The following FLRT3 variants were observed in gnomAD, a reference collection of about 807,000 sequenced individuals.
FLRT3 encodes the protein fibronectin leucine rich transmembrane protein 3.
FLRT3 carries 17 observed loss-of-function variants against 42.6 expected under a neutral mutation model. The ratio of observed to expected loss-of-function variants is 0.40; its 90% CI spans 0.27 to 0.60. The LOEUF is 0.60. Ranked by LOEUF, FLRT3 falls within the 20% of genes least tolerant of loss-of-function variation. The pLI is 0.44. For missense variants in FLRT3, 635 were observed against 789.2 expected, an observed-to-expected ratio of 0.80 and a Z score of 2.34; for synonymous variants, 279 against 286.4, an observed-to-expected ratio of 0.97 and a Z score of 0.26.
chr20:14,327,346 G>A lies in FLRT3; in HGVS notation c.161C>T (p.Thr54Ile). 1.2e-6 allele frequency: 2 copies of A among 1,613,732 alleles called. No individual in the cohort carries two copies. The highest frequency in any genetic ancestry group is 1.7e-6 in the Non-Finnish European group (2 of 1,179,734). ...AGTTGTAGCATCCTCTGGTATTCCT[G>A]TTGGAATGGATGTCAGAAAGCGATC... ...CNDRFLTSIPTGIPEDATTLY... is the reference protein window; with the variant it reads ...CNDRFLTSIPIGIPEDATTLY... The change falls in exon 3 of 3, where the codon ACA (threonine) becomes ATA (isoleucine). Residue 54 changes from threonine to isoleucine, a missense_variant. Coordinates refer to ENST00000341420, the MANE Select transcript of FLRT3 (RefSeq NM_198391.3).
intron 2 of FLRT3, among the ~76,000 whole-genome samples, 170 bp from the exon 3 acceptor site, chr20:14,327,728 A>G (rs892984417): frequency 6.6e-6 from 1 of 152,170 alleles, no homozygotes; most frequent in Non-Finnish European, 1.5e-5. Context: ...AGACACTGTC[A>G]TATAATCTCT....
At chr20:14,327,708 A>G in intron 2 of FLRT3, 150 bp from the exon 3 acceptor site, 1 of 553,174 alleles carries the variant, frequency 1.8e-6, no homozygotes, top group Non-Finnish European at 3.1e-6. Context: ...GTTTATTGCT[A>G]GCTAACAATA....
chr20:14,336,651 G>C (rs890075519), intron 1 of FLRT3, among the ~76,000 whole-genome samples: 3 of 152,192 alleles, frequency 2.0e-5, no homozygotes, highest in African/African-American at 7.2e-5. Flanking sequence ...ATCAGGCATA[G>C]CTTCCAGGGT....
Position 14,326,942 on chromosome 20 carries a change from T to C in FLRT3, c.565A>G (p.Thr189Ala). 1.2e-6 allele frequency: 2 copies of C among 1,613,760 alleles called. No individual in the cohort carries two copies. The highest frequency in any genetic ancestry group is 1.7e-6 in the Non-Finnish European group (2 of 1,179,796). The change falls in exon 3 of 3, where the codon ACT becomes GCT. Residue 189 changes from threonine to alanine, a missense_variant. Transcript: ENST00000341420. This position sits in a 1 kb window ranked among gnomAD's most constrained non-coding sequence, Gnocchi z 5.5. ...ELRLDDNRIS[T>A]ISSPSLQGLT... ...CCTTGAAGAGATGGTGATGAAATAG[T>C]GGATATGCGATTATCATCCAAGCGT... is the stretch of plus-strand genomic sequence containing the variant.
At chr20:14,331,722 G>A (rs1039517157) in intron 1 of FLRT3, among the ~76,000 whole-genome samples, 6 of 151,936 alleles carry the variant, frequency 3.9e-5, no homozygotes, top group Admixed American at 1.3e-4. Context: ...TTTGGTTTTG[G>A]CATATTAAAG....
Position 14,323,444 on chromosome 20 carries a change from C to T in FLRT3, c.*2113G>A, listed in dbSNP as rs1451674180. The T allele has an allele frequency of 1.3e-5, 2 of 152,182 alleles. No homozygotes were observed. The highest frequency in any genetic ancestry group is 2.9e-5 in the Non-Finnish European group (2 of 68,044). 9.4% of individuals were successfully genotyped at this position (152,182 alleles called of 1,614,324 possible). On this transcript the variant is annotated 3_prime_UTR_variant, in exon 3 of 3. Coordinates refer to ENST00000341420, the MANE Select transcript of FLRT3 (RefSeq NM_198391.3). ...CAGGAACCACCACATGTTCAGCAAT[C>T]TGGAAGCTCTCCAAATCTTGACCTT...
intron 1 of FLRT3, among the ~76,000 whole-genome samples, chr20:14,337,067 A>G (rs1388557920): frequency 1.3e-5 from 2 of 152,192 alleles, no homozygotes; most frequent in South Asian, 2.1e-4. Flanking sequence ...TTGCTTTCCT[A>G]TCTGTGAAGA....
chr20:14,335,111 C>T (rs1451443052), intron 1 of FLRT3, among the ~76,000 whole-genome samples: 2 of 152,048 alleles, frequency 1.3e-5, no homozygotes, highest in Admixed American at 1.3e-4. Flanking sequence ...TAAAACTGTT[C>T]AAAATAATCC....
intron 1 of FLRT3, among the ~76,000 whole-genome samples, chr20:14,334,459 A>G (rs2082900561): frequency 6.6e-6 from 1 of 152,158 alleles, no homozygotes; most frequent in Non-Finnish European, 1.5e-5. Flanking sequence ...CTGAAGAGAA[A>G]ATGCAGTTTT....
chr20:14,335,275 A>G (rs1454752945), intron 1 of FLRT3, among the ~76,000 whole-genome samples: 1 of 152,184 alleles, frequency 6.6e-6, no homozygotes, highest in Non-Finnish European at 1.5e-5. Flanking sequence ...GGAGATGCTG[A>G]GCATAATTGG....
Position 14,327,402 on chromosome 20 carries a change from A to G in FLRT3, c.105T>C (p.Cys35=). The G allele has an allele frequency of 6.2e-7, 1 of 1,613,702 alleles. No homozygotes were observed. Among genetic ancestry groups the G allele is most frequent in the Non-Finnish European group, 8.5e-7 (1 of 1,179,704 alleles). ...SVMAKSCPSV[C]RCDAGFIYCN... ...AGTAAATGAAACCCGCATCGCAGCG[A>G]CACACAGATGGACAGGATTTAGCCA... The change falls in exon 3 of 3, where the codon TGT becomes TGC. Residue 35 remains cysteine (C), a synonymous_variant. Coordinates refer to ENST00000341420, the MANE Select transcript of FLRT3 (RefSeq NM_198391.3).
At chr20:14,336,403 G>A (rs1355939748) in intron 1 of FLRT3, among the ~76,000 whole-genome samples, 3 of 151,934 alleles carry the variant, frequency 2.0e-5, no homozygotes, top group African/African-American at 7.3e-5. Flanking sequence ...AGACATGGAT[G>A]GGCCTGTTGC....
In FLRT3 at chr20:14,326,898, G is replaced by A. The variant is rs748120761; in HGVS notation, c.609C>T (p.Arg203=). 6.8e-6 allele frequency: 11 copies of A among 1,613,634 alleles called. No individual in the cohort carries two copies. The highest frequency in any genetic ancestry group is 9.3e-6 in the Non-Finnish European group (11 of 1,179,808). Residue 203 remains arginine (R), a synonymous_variant, in exon 3 of 3, where the codon CGC becomes CGT. Coordinates refer to ENST00000341420, the MANE Select transcript of FLRT3 (RefSeq NM_198391.3). This position sits in a 1 kb window ranked among gnomAD's most constrained non-coding sequence, Gnocchi z 5.5. The part of the protein sequence containing the change: ...PSLQGLTSLK[R]LVLDGNLLNN... ...TCAACAGGTTTCCATCTAGAACCAG[G>A]CGTTTTAGACTAGTGAGACCTTGAA...
chr20:14,330,933 A>G (rs1330882990), intron 1 of FLRT3, among the ~76,000 whole-genome samples: 2 of 152,140 alleles, frequency 1.3e-5, no homozygotes, highest in Non-Finnish European at 2.9e-5. Flanking sequence ...AAATTATTCA[A>G]CATATAAAAT....
rs2082746121 is a variant in FLRT3, at chr20:14,326,961, C to T, written c.546G>A (p.Leu182=). 1 of 1,613,604 alleles carries T rather than the reference C, an allele frequency of 6.2e-7. No individual in the cohort carries two copies. The highest frequency in any genetic ancestry group is 1.7e-5 in the Admixed American group (1 of 59,926). ...GLPRTIEELR[L]DDNRISTISS... ...AAATAGTGGATATGCGATTATCATC[C>T]AAGCGTAGTTCTTCTATAGTCCTGG... is the stretch of plus-strand genomic sequence containing the variant. The change falls in exon 3 of 3, where the codon TTG becomes TTA. Residue 182 remains leucine, a synonymous_variant. Transcript: ENST00000341420. The surrounding 1 kb of genome is among the most constrained non-coding windows in gnomAD (Gnocchi z 5.5).
chr20:14,332,158 A>T (rs975101803), intron 1 of FLRT3, among the ~76,000 whole-genome samples: 1 of 152,128 alleles, frequency 6.6e-6, no homozygotes. Context: ...TTTAATAGGG[A>T]TCCTTATATT....
At chr20:14,330,877 A>T (rs527733828) in intron 1 of FLRT3, among the ~76,000 whole-genome samples, 305 of 152,258 alleles carry the variant, frequency 2.0e-3, no homozygotes, top group African/African-American at 6.7e-3. Context: ...TTATAATTAC[A>T]AAGTTACTTT....
At chr20:14,330,851 A>T (rs774146286) in intron 1 of FLRT3, among the ~76,000 whole-genome samples, 32 of 152,088 alleles carry the variant, frequency 2.1e-4, no homozygotes, top group Non-Finnish European at 4.3e-4. Flanking sequence ...GAAAATGGAA[A>T]ACCAAGCTGC....
In FLRT3 at chr20:14,325,855, T is replaced by C; in HGVS notation, c.1652A>G (p.Tyr551Cys). 1 of 1,613,904 alleles carries C rather than the reference T, an allele frequency of 6.2e-7. No individual in the cohort carries two copies. The highest frequency in any genetic ancestry group is 8.5e-7 in the Non-Finnish European group (1 of 1,179,878). The change falls in exon 3 of 3, where the codon TAT becomes TGT. Residue 551 changes from tyrosine (Y) to cysteine (C), a missense_variant. Transcript: ENST00000341420. Reference sequence around the variant, plus strand: ...GAAGAGCGATCCATTCCTATGAACATACCAACACACTAAAGCAAGAAGGGC... The same window carrying C: ...GAAGAGCGATCCATTCCTATGAACACACCAACACACTAAAGCAAGAAGGGC... Reference protein sequence around the residue: ...TIALLALVCWYVHRNGSLFSR... With the variant: ...TIALLALVCWCVHRNGSLFSR...
Sources: allele counts gnomAD v4.1 joint callset (sites outside exome capture counted in the v4.1 genomes callset), GRCh38; gene constraint gnomAD v4.1.1; non-coding constraint Gnocchi (gnomAD v3.1); transcripts MANE v1.5; gene names NCBI Gene and HGNC (gene_info 2026-07-23, HGNC 2026-07-21).